PBRM1: variants seen among roughly 807,000 people sequenced by gnomAD.
PBRM1 encodes polybromo 1, also known as protein polybromo-1.
PBRM1 carries 27 observed loss-of-function variants against 194.5 expected under a neutral mutation model. That is an observed-to-expected ratio of 0.14 (90% CI 0.10 to 0.19). The LOEUF (loss-of-function observed/expected upper bound fraction) is 0.19, where lower values mean the gene tolerates loss of function less well. Among genes scored for constraint, PBRM1 ranks in the 10% least tolerant of loss-of-function variants. PBRM1 has a pLI of 1.00. For synonymous variants in PBRM1, 655 were observed against 693.2 expected (o/e 0.94, Z 0.87); for missense variants, 1,466 against 2,077.2 (o/e 0.71, Z 5.72).
intron 5 of PBRM1, among the ~76,000 whole-genome samples, chr3:52,653,492 G>C (rs1455269747): frequency 6.6e-6 from 1 of 151,938 alleles, no homozygotes; most frequent in African/African-American, 2.4e-5. Flanking sequence ...GGGAGGCTGA[G>C]GCAGGAGAAT....
At chr3:52,607,713 T>C (rs150646628) in intron 16 of PBRM1, among the ~76,000 whole-genome samples, 1 of 152,362 alleles carries the variant, frequency 6.6e-6, no homozygotes, top group African/African-American at 2.4e-5. Context: ...GTGTATTACA[T>C]GCATCTAGAA....
chr3:52,582,556 C>T (rs1183211808), intron 20 of PBRM1, among the ~76,000 whole-genome samples: 5 of 151,550 alleles, frequency 3.3e-5, no homozygotes, highest in Non-Finnish European at 5.9e-5. Flanking sequence ...ATTATAGGCA[C>T]CTGCCACCAC....
chr3:52,667,769 A>C (rs1229808865), intron 3 of PBRM1, among the ~76,000 whole-genome samples: 1 of 149,942 alleles, frequency 6.7e-6, no homozygotes, highest in Non-Finnish European at 1.5e-5. Context: ...AAAAAAAAAA[A>C]ATTTCTAAAG....
chr3:52,660,455 A>G (rs543810664), intron 4 of PBRM1, among the ~76,000 whole-genome samples: 3 of 152,098 alleles, frequency 2.0e-5, no homozygotes, highest in Middle Eastern at 3.4e-3. Flanking sequence ...TATACATATA[A>G]AATATATGAA....
At chr3:52,613,484 T>A (rs974857661) in intron 15 of PBRM1, among the ~76,000 whole-genome samples, 1 of 151,422 alleles carries the variant, frequency 6.6e-6, no homozygotes, top group Non-Finnish European at 1.5e-5. Context: ...CACAGGTACA[T>A]GCATGTGCCA....
At chr3:52,586,664 T>C (rs2092424157) in exon 20 of PBRM1, 1 of 1,611,744 alleles carries the variant, frequency 6.2e-7, no homozygotes, top group East Asian at 2.2e-5. Context: ...TCTCGGAAGT[T>C]TTCTGGGCAT....
chr3:52,628,142 A>T (rs979937190), intron 12 of PBRM1, among the ~76,000 whole-genome samples: 1 of 152,178 alleles, frequency 6.6e-6, no homozygotes, highest in Admixed American at 6.6e-5. Context: ...ATATACAAAG[A>T]TTAATTTGCT....
chr3:52,627,303 G>A, exon 13 of PBRM1: 1 of 1,612,258 alleles, frequency 6.2e-7, no homozygotes. Flanking sequence ...AGTATCAGAG[G>A]TGGCTGAAGA....
intron 10 of PBRM1, among the ~76,000 whole-genome samples, chr3:52,636,853 C>A (rs1347416705): frequency 1.7e-5 from 2 of 114,814 alleles, no homozygotes; most frequent in South Asian, 4.8e-4. Context: ...AGTGAGACTC[C>A]GCCTTAAAAA....
intron 11 of PBRM1, among the ~76,000 whole-genome samples, chr3:52,631,740 G>A (rs2095624657): frequency 6.6e-6 from 1 of 152,132 alleles, no homozygotes; most frequent in Non-Finnish European, 1.5e-5. Context: ...TAAACAAGAA[G>A]GCACAGCGGG....
intron 22 of PBRM1, among the ~76,000 whole-genome samples, chr3:52,570,382 T>G (rs1483956532): frequency 2.0e-5 from 3 of 152,234 alleles, no homozygotes; most frequent in Non-Finnish European, 4.4e-5. Flanking sequence ...AAGCTTAAAA[T>G]AGCTACAATT....
intron 8 of PBRM1, among the ~76,000 whole-genome samples, chr3:52,643,567 G>A (rs1026353487): frequency 9.2e-5 from 14 of 152,158 alleles, no homozygotes; most frequent in African/African-American, 3.1e-4. Flanking sequence ...AGTGACCAGA[G>A]GACCTGGTAC....
chr3:52,680,279 G>A (rs973508595), upstream of PBRM1, among the ~76,000 whole-genome samples: 3 of 152,154 alleles, frequency 2.0e-5, no homozygotes, highest in African/African-American at 7.2e-5. Flanking sequence ...TAACCTTCTA[G>A]CACTTTAGAT....
chr3:52,555,086 T>C (rs2081950223), intron 26 of PBRM1, among the ~76,000 whole-genome samples: 1 of 152,248 alleles, frequency 6.6e-6, no homozygotes, highest in Non-Finnish European at 1.5e-5. Context: ...GATGAATTAG[T>C]ACTTAGTACA....
chr3:52,603,774 T>A, intron 16 of PBRM1, 42 bp from the exon 19 acceptor site: 1 of 1,530,816 alleles, frequency 6.5e-7, no homozygotes, highest in South Asian at 1.2e-5. Context: ...ACAAGCTGTT[T>A]CTTTTAAACA....
At chr3:52,570,542 G>C (rs2086718589) in intron 22 of PBRM1, among the ~76,000 whole-genome samples, 1 of 152,174 alleles carries the variant, frequency 6.6e-6, no homozygotes, top group Non-Finnish European at 1.5e-5. Context: ...CAACCAAAGA[G>C]TAAAAGTGAT....
chr3:52,642,698 T>G (rs1008620877), intron 9 of PBRM1, among the ~76,000 whole-genome samples: 3 of 151,992 alleles, frequency 2.0e-5, no homozygotes, highest in African/African-American at 7.2e-5. Context: ...CCTCACATTT[T>G]ATTGGTAGCT....
At chr3:52,616,462 G>A (rs745655062) in intron 14 of PBRM1, among the ~76,000 whole-genome samples, 3 of 152,176 alleles carry the variant, frequency 2.0e-5, no homozygotes, top group Admixed American at 6.5e-5. Flanking sequence ...GGGAGGCTGA[G>A]GCAGGGGGAT....
intron 3 of PBRM1, among the ~76,000 whole-genome samples, chr3:52,663,188 C>T (rs1417591568): frequency 6.6e-6 from 1 of 152,184 alleles, no homozygotes. Flanking sequence ...ACACTTAAGT[C>T]AAATGTTCAC....
Sources: allele counts gnomAD v4.1 joint callset (sites outside exome capture counted in the v4.1 genomes callset), GRCh38; gene constraint gnomAD v4.1.1; transcripts MANE v1.5; gene names NCBI Gene and HGNC (gene_info 2026-07-23, HGNC 2026-07-21).